The following ATP11C variants were observed in gnomAD, a reference collection of about 807,000 sequenced individuals.
ATP11C encodes ATPase phospholipid transporting 11C (ATP11C blood group).
A neutral mutation model predicts 97.4 loss-of-function variants in ATP11C; 36 were observed. The ratio of observed to expected loss-of-function variants is 0.37; its 90% CI spans 0.28 to 0.49. The LOEUF is 0.49. Ranked by LOEUF, ATP11C falls within the 20% of genes least tolerant of loss-of-function variation. The pLI, the probability that ATP11C is intolerant of heterozygous loss-of-function variation, is 0.98. For synonymous variants in ATP11C, 275 were observed against 290.9 expected (o/e 0.95, Z 0.56); for missense variants, 730 against 824.6 (o/e 0.89, Z 1.40).
intron 1 of ATP11C, among the ~76,000 whole-genome samples, chrX:139,882,191 T>C (rs1296115858): frequency 9.0e-6 from 1 of 110,964 alleles, no homozygotes; most frequent in Non-Finnish European, 1.9e-5. Flanking sequence ...GTATTAAAAA[T>C]TTGCCAAGCA....
At chrX:139,902,724 T>C (rs1224564284) in intron 1 of ATP11C, among the ~76,000 whole-genome samples, 1 of 111,295 alleles carries the variant, frequency 9.0e-6, no homozygotes, top group Non-Finnish European at 1.9e-5. Flanking sequence ...AGCTCACTAG[T>C]TCTACACCTT....
In ATP11C at chrX:139,802,117, G is replaced by T. The variant is rs1021433676; in HGVS notation, c.659+119C>A. 1.2e-5 allele frequency: 6 copies of T among 508,960 alleles called. No individual in the cohort carries two copies. The African/African-American group carries it at 1.4e-4, about 12-fold the overall frequency. The allele number at this position is 508,960 out of a possible 1,213,427, so 41.9% of individuals were successfully genotyped here. On this transcript the variant is annotated intron_variant, in intron 7 of 29. Transcript: ENST00000682941. ...ATTTTTCTGCCAGAAGGAAGGAATC[G>T]CCCATAAAAACACAAATGAGAGTAG...
intron 28 of ATP11C, chrX:139,732,410 T>C (rs950110838): frequency 8.8e-6 from 3 of 341,508 alleles, no homozygotes; most frequent in South Asian, 2.8e-5. Flanking sequence ...TGCAAGCAAG[T>C]TGGTACATTA....
chrX:139,765,228 G>GA (rs59983817), intron 20 of ATP11C, among the ~76,000 whole-genome samples: 409 of 105,208 alleles, frequency 3.9e-3, no homozygotes, highest in African/African-American at 0.012. Flanking sequence ...ATAGCTTCAT[G>GA]AAAAAAAAAA....
intron 1 of ATP11C, among the ~76,000 whole-genome samples, chrX:139,926,449 T>C (rs1350037455): frequency 1.8e-5 from 2 of 112,227 alleles, no homozygotes; most frequent in Admixed American, 9.5e-5. Context: ...TCTTTGCACA[T>C]CATGCAGACA....
intron 23 of ATP11C, among the ~76,000 whole-genome samples, chrX:139,756,048 A>G: frequency 8.9e-6 from 1 of 112,462 alleles, no homozygotes; most frequent in Middle Eastern, 4.6e-3. Flanking sequence ...CAACCTACAA[A>G]ATGGGAGAAA....
intron 18 of ATP11C, among the ~76,000 whole-genome samples, 156 bp from the exon 19 acceptor site, chrX:139,775,109 G>A (rs770417528): frequency 8.9e-6 from 1 of 112,002 alleles, no homozygotes; most frequent in South Asian, 3.8e-4. Context: ...TACTCATTCT[G>A]AGTGTTGTCT....
At chrX:139,840,340 A>G (rs2083808430) in intron 1 of ATP11C, among the ~76,000 whole-genome samples, 1 of 112,633 alleles carries the variant, frequency 8.9e-6, no homozygotes, top group East Asian at 2.8e-4. Flanking sequence ...TTCATTAAAC[A>G]TAATTTAATG....
chrX:139,866,243 C>A (rs1362121240), intron 1 of ATP11C, among the ~76,000 whole-genome samples: 4 of 103,200 alleles, frequency 3.9e-5, no homozygotes, highest in Non-Finnish European at 5.8e-5. Flanking sequence ...ATTCAGGAGG[C>A]TGAGGAAGGA....
intron 1 of ATP11C, among the ~76,000 whole-genome samples, chrX:139,857,387 C>A (rs1470060345): frequency 8.9e-6 from 1 of 111,806 alleles, no homozygotes; most frequent in Admixed American, 9.5e-5. Flanking sequence ...GTGTTCAATT[C>A]TTTTCCTTCT....
chrX:139,823,103 G>C (rs1420368029), intron 2 of ATP11C, among the ~76,000 whole-genome samples: 1 of 110,865 alleles, frequency 9.0e-6, no homozygotes, highest in Non-Finnish European at 1.9e-5. Flanking sequence ...CCAGCTACTT[G>C]GGAGGCTGAG....
chrX:139,836,629 TA>T (rs968294045), intron 1 of ATP11C, among the ~76,000 whole-genome samples: 3 of 111,476 alleles, frequency 2.7e-5, no homozygotes, highest in Non-Finnish European at 3.8e-5. Context: ...CTAATGCCTT[TA>T]AAAAAAATGT....
At chrX:139,774,638 G>A in intron 19 of ATP11C, 52 bp downstream of exon 19, 1 of 1,069,268 alleles carries the variant, frequency 9.4e-7, no homozygotes, top group Non-Finnish European at 1.3e-6. Context: ...ATGCAGCTGT[G>A]ATTTACATCT....
At chrX:139,911,224 CATAG>C (rs1260030573) in intron 1 of ATP11C, among the ~76,000 whole-genome samples, 3 of 110,464 alleles carry the variant, frequency 2.7e-5, no homozygotes, top group Admixed American at 9.7e-5. Context: ...ATATCTGCAA[CATAG>C]ATAACCACAA....
intron 1 of ATP11C, among the ~76,000 whole-genome samples, chrX:139,888,278 C>A (rs939788322): frequency 9.2e-6 from 1 of 108,258 alleles, no homozygotes; most frequent in Non-Finnish European, 1.9e-5. Context: ...GGATTACAGG[C>A]GCCCGCCACA....
intron 22 of ATP11C, 30 bp from the exon 23 acceptor site, chrX:139,757,897 A>AGTGAAAATGTTAAT: frequency 9.8e-7 from 1 of 1,018,495 alleles, no homozygotes; most frequent in Non-Finnish European, 1.3e-6. Flanking sequence ...ACAAGGATTA[A>AGTGAAAATGTTAAT]CATTTTCACT....
chrX:139,915,640 C>CA (rs2085143289), intron 1 of ATP11C, among the ~76,000 whole-genome samples: 1 of 108,857 alleles, frequency 9.2e-6, no homozygotes, highest in South Asian at 3.9e-4. Context: ...GCCTGGGTGA[C>CA]AGAGCAAGAC....
At chrX:139,918,655 G>A (rs2085196896) in intron 1 of ATP11C, among the ~76,000 whole-genome samples, 1 of 83,492 alleles carries the variant, frequency 1.2e-5, no homozygotes, top group Non-Finnish European at 2.2e-5. Flanking sequence ...CAGCCTGGGT[G>A]ACAGACTGAA....
chrX:139,787,484 G>A (rs2082599541), intron 14 of ATP11C, among the ~76,000 whole-genome samples: 1 of 111,347 alleles, frequency 9.0e-6, no homozygotes, highest in African/African-American at 3.3e-5. Flanking sequence ...TTTTAGTAGA[G>A]ACAGAGTTTC....
Sources: gnomAD v4.1 joint callset for allele counts (sites outside exome capture counted in the v4.1 genomes callset) on GRCh38, gnomAD v4.1.1 for gene constraint, MANE v1.5 for transcripts, NCBI Gene and HGNC (gene_info 2026-07-23, HGNC 2026-07-21) for gene names.